The following GABRB3 variants were observed in gnomAD, a reference collection of about 807,000 sequenced individuals.
GABRB3 encodes gamma-aminobutyric acid type A receptor subunit beta3.
GABRB3 carries 14 observed loss-of-function variants against 52.1 expected under a neutral mutation model. The ratio of observed to expected loss-of-function variants is 0.27; its 90% CI spans 0.18 to 0.42. The LOEUF (loss-of-function observed/expected upper bound fraction) is 0.42. GABRB3 is among the 10% of genes least tolerant of loss of function. The pLI, the probability that GABRB3 is intolerant of heterozygous loss-of-function variation, is 1.00. For synonymous variants in GABRB3, 260 were observed against 232.3 expected (o/e 1.12, Z -1.08); for missense variants, 307 against 609.1 (o/e 0.50, Z 5.22).
At chr15:26,732,963 A>G (rs1595557320) in intron 3 of GABRB3, among the ~76,000 whole-genome samples, 1 of 151,286 alleles carries the variant, frequency 6.6e-6, no homozygotes, top group South Asian at 2.1e-4. Flanking sequence ...GTGCCACTGC[A>G]CTCCAGCCTG....
At chr15:26,591,356 CA>C (rs1891198421) in intron 4 of GABRB3, among the ~76,000 whole-genome samples, 1 of 152,142 alleles carries the variant, frequency 6.6e-6, no homozygotes, top group Non-Finnish European at 1.5e-5. Flanking sequence ...CATAAGATAG[CA>C]AAACCCTTAG....
intron 3 of GABRB3, among the ~76,000 whole-genome samples, chr15:26,640,496 G>A (rs559916541): frequency 6.6e-6 from 1 of 151,938 alleles, no homozygotes; most frequent in South Asian, 2.1e-4. Flanking sequence ...CAGCCTGGGC[G>A]ACAGAGCGAG....
intron 3 of GABRB3, among the ~76,000 whole-genome samples, chr15:26,771,644 C>G (rs1891146974): frequency 6.6e-6 from 1 of 152,194 alleles, no homozygotes; most frequent in African/African-American, 2.4e-5. Context: ...GGCAAAAGCC[C>G]GCTTCGCACC....
chr15:26,548,273 T>C (rs1488866837), intron 8 of GABRB3, 139 bp from the exon 9 acceptor site: 7 of 754,724 alleles, frequency 9.3e-6, no homozygotes, highest in Admixed American at 7.6e-5. Context: ...CAGCACTCCG[T>C]TTTATTGGAA....
intron 4 of GABRB3, among the ~76,000 whole-genome samples, chr15:26,596,488 A>C (rs1891400322): frequency 2.0e-5 from 3 of 152,168 alleles, no homozygotes; most frequent in Admixed American, 2.0e-4. Context: ...AGGGTGGAAA[A>C]TGTTATTCAA....
intron 3 of GABRB3, among the ~76,000 whole-genome samples, chr15:26,730,251 A>G (rs1377240925): frequency 1.3e-5 from 2 of 152,116 alleles, no homozygotes; most frequent in East Asian, 1.9e-4. Flanking sequence ...GACCAGGGCA[A>G]TAAGACTTAC....
chr15:26,666,865 G>A (rs756716663), intron 3 of GABRB3, among the ~76,000 whole-genome samples: 12 of 152,282 alleles, frequency 7.9e-5, no homozygotes, highest in East Asian at 1.9e-4. Context: ...CCCAGGAAGC[G>A]TTGAGCAAGA....
chr15:26,660,473 A>G (rs141299530), intron 3 of GABRB3, among the ~76,000 whole-genome samples: 1 of 152,040 alleles, frequency 6.6e-6, no homozygotes, highest in Non-Finnish European at 1.5e-5. Context: ...AATACATCAG[A>G]GTTAATAGTT....
chr15:26,618,683 A>G (rs1892358997), intron 4 of GABRB3, among the ~76,000 whole-genome samples: 2 of 152,182 alleles, frequency 1.3e-5, no homozygotes, highest in South Asian at 2.1e-4. Context: ...TAATTAAACT[A>G]AAGAGCTTCT....
At chr15:26,701,438 G>C (rs886706057) in intron 3 of GABRB3, among the ~76,000 whole-genome samples, 21 of 152,094 alleles carry the variant, frequency 1.4e-4, no homozygotes, top group African/African-American at 4.8e-4. Context: ...TTTTATTTCT[G>C]TATACTAGCA....
In GABRB3 at chr15:26,605,101, A is replaced by T. The variant is rs547981530; in HGVS notation, c.461+16213T>A. 1.1e-3 allele frequency among the ~76,000 whole-genome samples: 161 copies of T among 152,286 alleles called. 2 individuals are homozygous for T. The highest frequency in any genetic ancestry group is 3.4e-3 in the African/African-American group (143 of 41,574). Reference sequence around the variant, plus strand: ...AGTGTCATTAATTAAAACATGACTAAGAGTTGAATAGACATTTCTCAAAAG... The same window carrying T: ...AGTGTCATTAATTAAAACATGACTATGAGTTGAATAGACATTTCTCAAAAG... On this transcript the variant is annotated intron_variant, in intron 4 of 8. Coordinates refer to ENST00000311550, the MANE Select transcript of GABRB3 (RefSeq NM_000814.6).
chr15:26,561,820 C>T (rs959500261), intron 7 of GABRB3, among the ~76,000 whole-genome samples: 4 of 152,226 alleles, frequency 2.6e-5, no homozygotes, highest in African/African-American at 4.8e-5. Context: ...CAGAGAGCGA[C>T]TTCCCTCCTC....
At chr15:26,554,093 G>GTATAAAGTATGTGTATA (rs1555400789) in intron 8 of GABRB3, among the ~76,000 whole-genome samples, 2,589 of 25,526 alleles carry the variant, frequency 0.1, 370 homozygotes, top group African/African-American at 0.37. Flanking sequence ...GTGTATATAT[G>GTATAAAGTATGTGTATA]TATAAAGTGT....
chr15:26,616,748 T>A (rs113852952), intron 4 of GABRB3, among the ~76,000 whole-genome samples: 9,699 of 152,260 alleles, frequency 0.064, 1,006 homozygotes, highest in African/African-American at 0.22. Flanking sequence ...ATTACATTAT[T>A]ATTTAACATT....
chr15:26,598,462 G>A lies in GABRB3; in HGVS notation c.462-15048C>T, dbSNP rs112503816. Reference sequence around the variant, plus strand: ...ATCAAATAGCCACTGTCTACAGACCGGAACATCCTTTTGAAAATTTCAATA... The same window carrying A: ...ATCAAATAGCCACTGTCTACAGACCAGAACATCCTTTTGAAAATTTCAATA... On this transcript the variant is annotated intron_variant, in intron 4 of 8. Transcript: ENST00000311550. Among the ~76,000 whole-genome samples, 308 of 152,082 alleles carry A rather than the reference G, an allele frequency of 2.0e-3. 7 individuals are homozygous for A. The East Asian group carries it at 0.036, about 18-fold the overall frequency.
At chr15:26,660,555 TG>T (rs1887510229) in intron 3 of GABRB3, among the ~76,000 whole-genome samples, 1 of 152,182 alleles carries the variant, frequency 6.6e-6, no homozygotes. Flanking sequence ...TCCCCAAATC[TG>T]GCGAAAGTCC....
At chr15:26,583,270 T>A in intron 5 of GABRB3, 62 bp downstream of exon 5, 1 of 1,384,804 alleles carries the variant, frequency 7.2e-7, no homozygotes, top group Non-Finnish European at 1.0e-6. Context: ...AGATGCTAAA[T>A]AATGACAAAA....
intron 3 of GABRB3, among the ~76,000 whole-genome samples, chr15:26,750,340 C>T (rs548551666): frequency 6.6e-6 from 1 of 152,300 alleles, no homozygotes; most frequent in African/African-American, 2.4e-5. Context: ...GGCTTAGACC[C>T]CATTCACTAC....
chr15:26,764,178 AAATATATATATATATATATATAT>A (rs1890923473), intron 3 of GABRB3, among the ~76,000 whole-genome samples: 2 of 12,890 alleles, frequency 1.6e-4, no homozygotes, highest in African/African-American at 2.7e-4. Context: ...AAAAAAAAAA[AAATATATATATATATATATATAT>A]ATATATATAT....
Sources: gnomAD v4.1 joint callset for allele counts (sites outside exome capture counted in the v4.1 genomes callset) on GRCh38, gnomAD v4.1.1 for gene constraint, MANE v1.5 for transcripts, NCBI Gene and HGNC (gene_info 2026-07-23, HGNC 2026-07-21) for gene names.